CNTN6: variants seen among roughly 807,000 people sequenced by gnomAD.
CNTN6 encodes contactin 6, also known as contactin-6.
A neutral mutation model predicts 122.8 loss-of-function variants in CNTN6; 137 were observed. That is an observed-to-expected ratio of 1.12 (90% CI 0.97 to 1.29). CNTN6 has a LOEUF of 1.29. CNTN6 is among the 50% of genes most tolerant of loss of function. The probability of loss-of-function intolerance (pLI) is 0.00; values close to 1 mark genes in which losing one functional copy is unlikely to be tolerated. For synonymous variants in CNTN6, 570 were observed against 426.0 expected (o/e 1.34, Z -4.16); for missense variants, 1,634 against 1,223.4 (o/e 1.34, Z -5.01).
intron 4 of CNTN6, among the ~76,000 whole-genome samples, chr3:1,267,306 C>A (rs555044349): frequency 9.2e-5 from 14 of 152,190 alleles, no homozygotes; most frequent in African/African-American, 2.7e-4. Flanking sequence ...TGAATCAGAG[C>A]TGGGTAGTAG....
intron 14 of CNTN6, among the ~76,000 whole-genome samples, chr3:1,373,382 C>T (rs935648148): frequency 6.6e-6 from 1 of 151,918 alleles, no homozygotes; most frequent in African/African-American, 2.4e-5. Context: ...TGCAATCATC[C>T]TATGCCTGAT....
chr3:1,289,728 G>T (rs1359889673), intron 5 of CNTN6, among the ~76,000 whole-genome samples: 1 of 150,678 alleles, frequency 6.6e-6, no homozygotes, highest in East Asian at 2.0e-4. Flanking sequence ...AGGCTGGAGG[G>T]CAGGGGCGCG....
At chr3:1,401,382 T>G (rs772567840) in intron 20 of CNTN6, 51 bp from the exon 21 acceptor site, 14 of 1,457,572 alleles carry the variant, frequency 9.6e-6, no homozygotes, top group Non-Finnish European at 1.2e-5. Flanking sequence ...CATCATACTT[T>G]GACCATGAGC....
rs200763841 is a variant in CNTN6 at position 1,116,731 on chromosome 3, G to T, written c.-83+23611G>T. Among the ~76,000 whole-genome samples the T allele has an allele frequency of 7.9e-4, 103 of 130,060 alleles. 2 individuals are homozygous for T. The East Asian group carries it at 0.02, about 25-fold the overall frequency. The allele number at this position is 130,060 out of a possible 152,430, so 85.3% of individuals were successfully genotyped here. On this transcript the variant is annotated intron_variant, in intron 1 of 22. Transcript: ENST00000446702. Reference sequence around the variant, plus strand: ...TTTTTTTTTTTTTTTTTGAGACAGGGTCTTGCTCTGTCGCCCAGGCTGGAG... The same window carrying T: ...TTTTTTTTTTTTTTTTTGAGACAGGTTCTTGCTCTGTCGCCCAGGCTGGAG...
At chr3:1,156,469 A>C (rs1416674728) in intron 2 of CNTN6, among the ~76,000 whole-genome samples, 2 of 152,126 alleles carry the variant, frequency 1.3e-5, no homozygotes, top group African/African-American at 4.8e-5. Context: ...TAAAAACTCA[A>C]CTCAAATATT....
intron 1 of CNTN6, among the ~76,000 whole-genome samples, chr3:1,112,565 G>A (rs2091530224): frequency 6.6e-6 from 1 of 152,096 alleles, no homozygotes. Context: ...CACCTTTTCT[G>A]TTTTTGTTCC....
Position 1,243,971 on chromosome 3 carries a change from G to A in CNTN6, c.358+15978G>A, listed in dbSNP as rs962949974. ...GGGAGGAATCGCATTGGGAACAGAG[G>A]CTAGGGAGGGAACGAAGTGTGAAAA... On this transcript the variant is annotated intron_variant, in intron 4 of 22. Transcript: ENST00000446702. 2.0e-5 allele frequency among the ~76,000 whole-genome samples: 3 copies of A among 152,110 alleles called. 1 individual carries two copies. Among genetic ancestry groups the A allele is most frequent in the South Asian group, 4.1e-4 (2 of 4,822 alleles).
chr3:1,142,211 C>CT (rs2092624030), intron 1 of CNTN6, among the ~76,000 whole-genome samples: 1 of 140,700 alleles, frequency 7.1e-6, no homozygotes. Context: ...TTTTCCATTC[C>CT]TAAAAAAAAA....
At chr3:1,326,391 T>G (rs1419932926) in intron 9 of CNTN6, among the ~76,000 whole-genome samples, 1 of 151,866 alleles carries the variant, frequency 6.6e-6, no homozygotes, top group Non-Finnish European at 1.5e-5. Context: ...TCAAAGAGGT[T>G]AGGCTACTTG....
intron 1 of CNTN6, 45 bp from the exon 2 acceptor site, chr3:1,147,882 C>T (rs543302990): frequency 3.2e-5 from 19 of 602,752 alleles, no homozygotes; most frequent in Admixed American, 9.7e-5. Flanking sequence ...TTAAAATATT[C>T]GTGTTTGTAC....
At chr3:1,154,448 C>CTTTTCTTTTCTTTTCTTTTT (rs1575043271) in intron 2 of CNTN6, among the ~76,000 whole-genome samples, 2 of 140,478 alleles carry the variant, frequency 1.4e-5, no homozygotes, top group African/African-American at 5.5e-5. Flanking sequence ...TCTTTTCTTT[C>CTTTTCTTTTCTTTTCTTTTT]TTTTTTTTTT....
At chr3:1,143,310 T>C (rs2092654553) in intron 1 of CNTN6, among the ~76,000 whole-genome samples, 1 of 152,120 alleles carries the variant, frequency 6.6e-6, no homozygotes, top group Non-Finnish European at 1.5e-5. Context: ...AAAAAGTAAA[T>C]ACACGTTAGT....
Position 1,245,278 on chromosome 3 carries a change from C to CATATATATATATATA in CNTN6, c.358+17286_358+17287insTATATATATATATAA, listed in dbSNP as rs1559597056. ...TATAACATATATATATATATATACACACACATATATATATAACATATATAT... is the reference window on the plus strand; with the variant it reads ...TATAACATATATATATATATATACACATATATATATATATAACACATATATATATAACATATATAT... On this transcript the variant is annotated intron_variant, in intron 4 of 22. Coordinates refer to ENST00000446702, the MANE Select transcript of CNTN6 (RefSeq NM_001289080.2). 4.9e-3 allele frequency among the ~76,000 whole-genome samples: 29 copies of CATATATATATATATA among 5,890 alleles called. 5 individuals carry two copies. The highest frequency in any genetic ancestry group is 8.4e-3 in the Non-Finnish European group (27 of 3,210). The allele number at this position is 5,890 out of a possible 152,430, so 3.9% of individuals were successfully genotyped here. A position where few individuals can be genotyped will look rare whatever the true frequency, so the allele number is the denominator to read the frequency against.
At chr3:1,304,268 C>A (rs1697947876) in intron 7 of CNTN6, among the ~76,000 whole-genome samples, 1 of 142,084 alleles carries the variant, frequency 7.0e-6, no homozygotes, top group Non-Finnish European at 1.5e-5. Flanking sequence ...GCCAATTGTT[C>A]AAGTTCCAGA....
chr3:1,288,335 A>AAG (rs1694706137), intron 5 of CNTN6, among the ~76,000 whole-genome samples: 1 of 152,088 alleles, frequency 6.6e-6, no homozygotes, highest in African/African-American at 2.4e-5. Flanking sequence ...TGGATTTTAA[A>AAG]GTGTTAGGCA....
In CNTN6 at chr3:1,295,634, C is replaced by T. The variant is rs764715506; in HGVS notation, c.488C>T (p.Pro163Leu). Residue 163 changes from proline to leucine, a missense_variant, in exon 6 of 23, where the codon CCC becomes CTC. Physicochemically the swap from Pro to Leu is moderately conservative, Grantham distance 98. Transcript: ENST00000446702. ...TATGCATGGACCTTCAATGATAACC[C>T]CTTATACGTCCAAGAGGACAATAGG... ...LSYAWTFNDN[P>L]LYVQEDNRRF... 1 of 1,613,774 alleles carries T rather than the reference C, an allele frequency of 6.2e-7. No homozygotes were observed. Among genetic ancestry groups the T allele is most frequent in the Non-Finnish European group, 8.5e-7 (1 of 1,179,870 alleles).
intron 4 of CNTN6, among the ~76,000 whole-genome samples, chr3:1,257,291 TTTTTA>T (rs1300654816): frequency 6.6e-6 from 1 of 152,162 alleles, no homozygotes; most frequent in Admixed American, 6.6e-5. Context: ...AATGTTCCTA[TTTTTA>T]TTTTAACTTG....
intron 1 of CNTN6, among the ~76,000 whole-genome samples, chr3:1,116,885 A>C (rs1247251624): frequency 6.6e-6 from 1 of 151,948 alleles, no homozygotes; most frequent in Non-Finnish European, 1.5e-5. Context: ...TTGTATTTTT[A>C]GTAGAGACAA....
chr3:1,115,052 A>C (rs756160026), intron 1 of CNTN6, among the ~76,000 whole-genome samples: 19 of 152,178 alleles, frequency 1.2e-4, no homozygotes, highest in Non-Finnish European at 2.6e-4. Flanking sequence ...ATTGAGCTGC[A>C]GGAGCAGCAC....
Sources: gnomAD v4.1 joint callset for allele counts (sites outside exome capture counted in the v4.1 genomes callset) on GRCh38, gnomAD v4.1.1 for gene constraint, MANE v1.5 for transcripts, NCBI Gene and HGNC (gene_info 2026-07-23, HGNC 2026-07-21) for gene names.